The following LRP2 variants were observed in gnomAD, a reference collection of about 807,000 sequenced individuals.
The protein encoded by LRP2 is LDL receptor related protein 2.
LRP2 carries 172 observed loss-of-function variants against 531.0 expected under a neutral mutation model. The ratio of observed to expected loss-of-function variants is 0.32; its 90% CI spans 0.29 to 0.37. The LOEUF is 0.37. LRP2 is among the 10% of genes least tolerant of loss of function. The pLI, the probability that LRP2 is intolerant of heterozygous loss-of-function variation, is 1.00. For missense variants in LRP2, 5,167 were observed against 5,868.3 expected (o/e 0.88, Z 3.90); for synonymous variants, 1,992 against 2,027.6 (o/e 0.98, Z 0.47).
intron 41 of LRP2, among the ~76,000 whole-genome samples, chr2:169,205,164 G>T (rs1688333496): frequency 9.9e-5 from 15 of 152,032 alleles, no homozygotes; most frequent in Admixed American, 9.2e-4. Context: ...CCTGCAGAAT[G>T]TAAGTTGAGT....
chr2:169,195,967 G>C (rs1687989125), intron 46 of LRP2, among the ~76,000 whole-genome samples: 1 of 147,960 alleles, frequency 6.8e-6, no homozygotes, highest in Non-Finnish European at 1.5e-5. Flanking sequence ...TTACTGCAAT[G>C]ATATATACTA....
chr2:169,316,063 G>A (rs903891258), intron 3 of LRP2, among the ~76,000 whole-genome samples: 1 of 150,746 alleles, frequency 6.6e-6, no homozygotes, highest in Non-Finnish European at 1.5e-5. Flanking sequence ...GACCATTTGA[G>A]CCCAGGAGGT....
Position 169,239,754 on chromosome 2 carries a change from A to G in LRP2, c.4067T>C (p.Phe1356Ser). The G allele has an allele frequency of 6.2e-7, 1 of 1,614,034 alleles. No individual in the cohort carries two copies. The highest frequency in any genetic ancestry group is 8.5e-7 in the Non-Finnish European group (1 of 1,179,874). The part of the protein sequence containing the change: ...PLCNGNSCSD[F>S]NGGCTHECVQ... The stretch of plus-strand genomic sequence containing the variant: ...ACACTCGTGAGTACAACCACCATTG[A>G]AATCTGAGCAGCTGTTCCCATCTAG... The change falls in exon 26 of 79, where the codon TTC becomes TCC. Residue 1356 changes from phenylalanine to serine, a missense_variant. Around this residue, in one of 6 missense-constraint regions of LRP2, gnomAD observed 2,811 missense variants for 3,058.0 expected, o/e 0.92. Coordinates refer to ENST00000649046, the MANE Select transcript of LRP2 (RefSeq NM_004525.3).
intron 77 of LRP2, among the ~76,000 whole-genome samples, chr2:169,130,122 AGTGGGGCGG>A (rs1339103880): frequency 6.6e-6 from 1 of 152,214 alleles, no homozygotes; most frequent in African/African-American, 2.4e-5. Context: ...CTTACAGTTA[AGTGGGGCGG>A]GCCAAAGTCT....
At chr2:169,311,345 T>A (rs1684592050) in intron 3 of LRP2, among the ~76,000 whole-genome samples, 1 of 152,232 alleles carries the variant, frequency 6.6e-6, no homozygotes, top group South Asian at 2.1e-4. Flanking sequence ...TTTAGTGCTA[T>A]AAATTTCCCT....
chr2:169,160,682 TA>T (rs781574242), intron 63 of LRP2, among the ~76,000 whole-genome samples: 27 of 52,796 alleles, frequency 5.1e-4, no homozygotes, highest in East Asian at 1.2e-3. Flanking sequence ...CTTATTTCCT[TA>T]AAAAAAAAAA....
At chr2:169,129,149 CCTGT>C in intron 77 of LRP2, 65 bp from the exon 78 acceptor site, 1 of 1,173,176 alleles carries the variant, frequency 8.5e-7, no homozygotes, top group Non-Finnish European at 1.3e-6. Flanking sequence ...TTCTTTTCCT[CCTGT>C]CTCAGTTTTA....
chr2:169,154,496 C>T lies in LRP2; in HGVS notation c.12259G>A (p.Val4087Ile). ...TCCTTGGGATCCCAATCATAATCAA[C>T]AGCTTGGATATATTCCTCATCTTGA... ...YLQDEEYIQAVDYDWDPKDIG... is the reference protein window; with the variant it reads ...YLQDEEYIQAIDYDWDPKDIG... Residue 4087 changes from valine (V) to isoleucine (I), a missense_variant, in exon 66 of 79, where the codon GTT becomes ATT. Val to Ile is a conservative substitution (Grantham distance 29). Around this residue, in one of 6 missense-constraint regions of LRP2, gnomAD observed 564 missense variants for 747.7 expected, o/e 0.75. Coordinates refer to ENST00000649046, the MANE Select transcript of LRP2 (RefSeq NM_004525.3). 6.2e-7 allele frequency: 1 copy of T among 1,612,982 alleles called. No individual in the cohort carries two copies. The highest frequency in any genetic ancestry group is 8.5e-7 in the Non-Finnish European group (1 of 1,179,080).
intron 55 of LRP2, 35 bp downstream of exon 55, chr2:169,175,158 A>T (rs1282145868): frequency 3.8e-6 from 6 of 1,597,628 alleles, no homozygotes; most frequent in Non-Finnish European, 4.3e-6. Context: ...TCAACATAGA[A>T]GTCGGAAAAA....
At chr2:169,205,756 C>T (rs1183441280) in intron 40 of LRP2, 119 bp from the exon 41 acceptor site, 1 of 1,057,238 alleles carries the variant, frequency 9.5e-7, no homozygotes, top group African/African-American at 1.6e-5. Flanking sequence ...AAAGAAACTT[C>T]ATTTCTACTT....
intron 35 of LRP2, among the ~76,000 whole-genome samples, chr2:169,215,343 A>C (rs1348022643): frequency 6.6e-6 from 1 of 152,192 alleles, no homozygotes; most frequent in African/African-American, 2.4e-5. Context: ...GCAATGCTTC[A>C]TCAATAATTA....
intron 68 of LRP2, among the ~76,000 whole-genome samples, chr2:169,147,371 G>A (rs1231889829): frequency 6.6e-6 from 1 of 152,196 alleles, no homozygotes; most frequent in Non-Finnish European, 1.5e-5. Context: ...TGCCCAGGCT[G>A]GAATGCAGCG....
chr2:169,282,354 C>G (rs1265442264), intron 10 of LRP2, among the ~76,000 whole-genome samples: 1 of 152,234 alleles, frequency 6.6e-6, no homozygotes, highest in African/African-American at 2.4e-5. Flanking sequence ...CTCTACTACT[C>G]TGTACTACTC....
Position 169,206,954 on chromosome 2 carries a change from C to T in LRP2, c.6766G>A (p.Asp2256Asn). The T allele has an allele frequency of 6.2e-7, 1 of 1,614,226 alleles. No homozygotes were observed. The change falls in exon 39 of 79, where the codon GAT becomes AAT. Residue 2256 changes from aspartate (D) to asparagine (N), a missense_variant. By Grantham distance (23) the Asp-to-Asn change is conservative. This residue lies in a region of LRP2 where 2,811 missense variants were observed against 3,058.0 expected (regional missense o/e 0.92). Transcript: ENST00000649046. ...TTGATACGAATCCTTGCAATTATAT[C>T]TAAAGAATCATCAACCCAATAAACG... Reference protein sequence around the residue: ...GYVYWVDDSLDIIARIRINGE... With the variant: ...GYVYWVDDSLNIIARIRINGE...
intron 1 of LRP2, among the ~76,000 whole-genome samples, chr2:169,360,128 C>CAAAAAAAAAAAAAAAA (rs67818940): frequency 1.3e-4 from 14 of 105,024 alleles, no homozygotes; most frequent in African/African-American, 4.6e-4. Flanking sequence ...CTGTCTCTCT[C>CAAAAAAAAAAAAAAAA]AAAAAAAAAA....
At chr2:169,303,724 A>G (rs1207346410) in intron 4 of LRP2, among the ~76,000 whole-genome samples, 1 of 152,132 alleles carries the variant, frequency 6.6e-6, no homozygotes, top group Non-Finnish European at 1.5e-5. Flanking sequence ...CTTAGCTATA[A>G]ATAAACAAGG....
rs757057105 is a variant in LRP2 at position 169,138,691 on chromosome 2, G to C, written c.13404C>G (p.Val4468=). The change falls in exon 75 of 79, where the codon GTC becomes GTG. Residue 4468 remains valine, a synonymous_variant. Transcript: ENST00000649046. ...CCCCATTCCCATTTTCAGAGGGCTT[G>C]ACGAGACTGCTTAAGCTGGAAAGAA... is the stretch of plus-strand genomic sequence containing the variant. ...LPKLPSLSSL[V]KPSENGNGVT... 114 of 1,613,860 alleles carry C rather than the reference G, an allele frequency of 7.1e-5. No homozygotes were observed. Among genetic ancestry groups the C allele is most frequent in the Non-Finnish European group, 9.2e-5 (108 of 1,179,936 alleles).
intron 9 of LRP2, among the ~76,000 whole-genome samples, chr2:169,284,256 C>CTCTTTTTTTTTTTTTTTTTTT (rs1553508684): frequency 1.6e-4 from 15 of 96,668 alleles, no homozygotes; most frequent in South Asian, 3.6e-4. Context: ...TCTTTTTTTT[C>CTCTTTTTTTTTTTTTTTTTTT]TTTTTTTTTT....
intron 31 of LRP2, among the ~76,000 whole-genome samples, chr2:169,230,514 T>A (rs187588730): frequency 6.6e-6 from 1 of 152,334 alleles, no homozygotes; most frequent in Non-Finnish European, 1.5e-5. Flanking sequence ...TAAATTTCCT[T>A]CTAGATTAGG....
Sources: allele counts gnomAD v4.1 joint callset (sites outside exome capture counted in the v4.1 genomes callset), GRCh38; gene constraint gnomAD v4.1.1; regional missense constraint gnomAD v4.1.1; transcripts MANE v1.5; gene names NCBI Gene and HGNC (gene_info 2026-07-23, HGNC 2026-07-21).